The following ITGB5 variants were observed in gnomAD, a reference collection of about 807,000 sequenced individuals.
ITGB5 encodes integrin beta-5.
A neutral mutation model predicts 84.8 loss-of-function variants in ITGB5; 38 were observed. The ratio of observed to expected loss-of-function variants is 0.45; its 90% confidence interval spans 0.35 to 0.59. ITGB5 has a LOEUF of 0.59. Ranked by LOEUF, ITGB5 falls within the 20% of genes least tolerant of loss-of-function variation. The pLI is 0.01. For synonymous variants in ITGB5, 393 were observed against 414.4 expected, an observed-to-expected ratio of 0.95 and a Z score of 0.63; for missense variants, 905 against 1,034.5, an observed-to-expected ratio of 0.87 and a Z score of 1.72.
At chr3:124,895,339 G>C (rs576111199) in intron 1 of ITGB5, among the ~76,000 whole-genome samples, 1 of 152,102 alleles carries the variant, frequency 6.6e-6, no homozygotes, top group Non-Finnish European at 1.5e-5. Context: ...CAATCCTCCC[G>C]CCTCAGCCTC....
At chr3:124,802,906 C>T (rs1252334063) in intron 9 of ITGB5, among the ~76,000 whole-genome samples, 1 of 152,150 alleles carries the variant, frequency 6.6e-6, no homozygotes, top group East Asian at 1.9e-4. Flanking sequence ...GGCCCTCGGA[C>T]AGCAAGACAA....
intron 1 of ITGB5, among the ~76,000 whole-genome samples, chr3:124,895,971 T>G (rs1358110323): frequency 1.3e-5 from 2 of 152,216 alleles, no homozygotes; most frequent in Non-Finnish European, 1.5e-5. Context: ...GGCTCTATAA[T>G]TACCACTTGC....
intron 8 of ITGB5, among the ~76,000 whole-genome samples, chr3:124,813,035 C>A (rs140286715): frequency 6.6e-6 from 1 of 152,294 alleles, no homozygotes; most frequent in East Asian, 1.9e-4. Context: ...CTGGAGAGAG[C>A]TGTGACTGGA....
intron 4 of ITGB5, among the ~76,000 whole-genome samples, chr3:124,845,101 G>A (rs556283606): frequency 1.1e-4 from 16 of 152,312 alleles, no homozygotes; most frequent in African/African-American, 1.9e-4. Context: ...GGATCCACCT[G>A]AAGGATCCAC....
intron 2 of ITGB5, among the ~76,000 whole-genome samples, chr3:124,859,652 A>G (rs960033303): frequency 6.6e-6 from 1 of 152,262 alleles, no homozygotes; most frequent in Admixed American, 6.5e-5. Context: ...ACATGACAGC[A>G]TTTTGTAAAC....
chr3:124,773,764 T>C lies in ITGB5; in HGVS notation c.1842A>G (p.Gln614=), dbSNP rs149842836. ...CCCCAAAGGCCCCCGGCTCCGTGCA[T>C]TGGCACTGCCCACAGAGACAGTGCC... The part of the protein sequence containing the change: ...ERGHCLCGQC[Q]CTEPGAFGEM... Residue 614 remains glutamine (Q), a synonymous_variant, in exon 11 of 15, where the codon CAA becomes CAG. Transcript: ENST00000296181. The C allele has an allele frequency of 1.2e-3, 1,997 of 1,613,380 alleles. 19 individuals are homozygous for C. In the African/African-American group the frequency reaches 0.023, roughly 19 times the overall value.
chr3:124,838,765 C>A (rs1338548146), intron 5 of ITGB5, among the ~76,000 whole-genome samples: 1 of 152,114 alleles, frequency 6.6e-6, no homozygotes, highest in African/African-American at 2.4e-5. Flanking sequence ...CCACGCCCGG[C>A]TAATTTTTTG....
At chr3:124,853,801 G>C (rs182031839) in intron 3 of ITGB5, among the ~76,000 whole-genome samples, 119 of 152,274 alleles carry the variant, frequency 7.8e-4, no homozygotes, top group Admixed American at 2.4e-3. Context: ...CTATCATTGA[G>C]GACAGCGGAG....
chr3:124,777,065 A>G (rs1023743807), intron 10 of ITGB5, among the ~76,000 whole-genome samples: 7 of 152,174 alleles, frequency 4.6e-5, no homozygotes, highest in Non-Finnish European at 8.8e-5. Context: ...CGAGAGTTCC[A>G]CAGCCTAGCC....
chr3:124,845,108 C>A (rs2065059729), intron 4 of ITGB5, among the ~76,000 whole-genome samples: 1 of 152,166 alleles, frequency 6.6e-6, no homozygotes, highest in African/African-American at 2.4e-5. Context: ...CCTGAAGGAT[C>A]CACAATTCAA....
In ITGB5 at chr3:124,766,295, A is replaced by G. The variant is rs2063767381; in HGVS notation, c.2068T>C (p.Cys690Arg). The part of the protein sequence containing the change: ...VLCFYKTAKD[C>R]VMMFTYVELP... The stretch of plus-strand genomic sequence containing the variant: ...TCCACATAGGTGAACATCATGACGC[A>G]GTCCTTGGCGGTTTTGTAGAAACAT... The change falls in exon 13 of 15, where the codon TGC becomes CGC. Residue 690 changes from cysteine (C) to arginine (R), a missense_variant. By Grantham distance (180) the Cys-to-Arg change is radical. Coordinates refer to ENST00000296181, the MANE Select transcript of ITGB5 (RefSeq NM_002213.5). The G allele has an allele frequency of 6.2e-7, 1 of 1,614,168 alleles. No homozygotes were observed. The highest frequency in any genetic ancestry group is 8.5e-7 in the Non-Finnish European group (1 of 1,180,018).
chr3:124,765,028 TCAGACACAGCATTGGAAA>T (rs1384074400), intron 13 of ITGB5, among the ~76,000 whole-genome samples: 12 of 152,168 alleles, frequency 7.9e-5, no homozygotes, highest in African/African-American at 2.9e-4. Flanking sequence ...TCAAAGAACC[TCAGACACAGCATTGGAAA>T]CAAAGCCTCA....
chr3:124,812,842 T>TA (rs1428195304), intron 8 of ITGB5, among the ~76,000 whole-genome samples: 1 of 152,182 alleles, frequency 6.6e-6, no homozygotes, highest in African/African-American at 2.4e-5. Flanking sequence ...CCTGGCCAAA[T>TA]ACCACAGCCA....
chr3:124,778,497 G>A (rs148865421), intron 10 of ITGB5, among the ~76,000 whole-genome samples: 181 of 152,284 alleles, frequency 1.2e-3, no homozygotes, highest in African/African-American at 4.0e-3. Flanking sequence ...CCCCAGCATC[G>A]ACGCTCTGTG....
At chr3:124,853,419 G>C (rs535451075) in intron 3 of ITGB5, among the ~76,000 whole-genome samples, 1 of 152,292 alleles carries the variant, frequency 6.6e-6, no homozygotes, top group East Asian at 1.9e-4. Flanking sequence ...CTCCACCTCA[G>C]AATTGTGACT....
intron 4 of ITGB5, 51 bp downstream of exon 4, chr3:124,848,258 C>T: frequency 6.3e-7 from 1 of 1,588,914 alleles, no homozygotes; most frequent in Non-Finnish European, 8.6e-7. Context: ...TTTCCTGCTT[C>T]TCCATTCTCC....
intron 9 of ITGB5, among the ~76,000 whole-genome samples, chr3:124,798,482 C>A (rs1398999380): frequency 6.6e-6 from 1 of 152,050 alleles, no homozygotes; most frequent in Non-Finnish European, 1.5e-5. Context: ...TGCAGTGGCA[C>A]CATCTCGGCT....
At chr3:124,777,633 T>G (rs1031123935) in intron 10 of ITGB5, among the ~76,000 whole-genome samples, 1 of 152,124 alleles carries the variant, frequency 6.6e-6, no homozygotes, top group African/African-American at 2.4e-5. Flanking sequence ...AGGAGTCTTC[T>G]CCAAGGGGCC....
intron 2 of ITGB5, among the ~76,000 whole-genome samples, chr3:124,863,724 G>C (rs2065339259): frequency 6.6e-6 from 1 of 152,258 alleles, no homozygotes; most frequent in Non-Finnish European, 1.5e-5. Context: ...TTGCCATGTT[G>C]ACCAGGCTGG....
Sources: gnomAD v4.1 joint callset for allele counts (sites outside exome capture counted in the v4.1 genomes callset) on GRCh38, gnomAD v4.1.1 for gene constraint, MANE v1.5 for transcripts, NCBI Gene and HGNC (gene_info 2026-07-23, HGNC 2026-07-21) for gene names.